The following MAP4K5 variants were observed in gnomAD, a reference collection of about 807,000 sequenced individuals.
MAP4K5 encodes the protein MAPK/ERK kinase kinase kinase 5.
Under a neutral mutation model 135.6 loss-of-function variants are expected in MAP4K5, and 82 were observed. That is an observed-to-expected ratio of 0.60 (90% CI 0.51 to 0.73). The LOEUF is 0.73. MAP4K5 is among the 30% of genes least tolerant of loss of function. The pLI is 0.00. For synonymous variants in MAP4K5, 347 were observed against 335.0 expected (o/e 1.04, Z -0.39); for missense variants, 907 against 1,010.9 (o/e 0.90, Z 1.39).
intron 15 of MAP4K5, among the ~76,000 whole-genome samples, chr14:50,448,016 A>G (rs1278035605): frequency 2.1e-5 from 2 of 95,892 alleles, no homozygotes; most frequent in Non-Finnish European, 4.1e-5. Flanking sequence ...TTATTTATTT[A>G]TTTATTTTTG....
At chr14:50,421,439 T>G (rs2035729895) in intron 32 of MAP4K5, among the ~76,000 whole-genome samples, 2 of 151,696 alleles carry the variant, frequency 1.3e-5, no homozygotes, top group Admixed American at 1.3e-4. Flanking sequence ...TTTTTGTATT[T>G]TTAGCAGGGA....
chr14:50,446,066 T>C lies in MAP4K5; in HGVS notation c.1185+13A>G. On this transcript the variant is annotated intron_variant, in intron 17 of 32. Coordinates refer to ENST00000682126, the MANE Select transcript of MAP4K5 (RefSeq NM_006575.6). ...AATAAGGATTTAGTGTTCAAAATCA[T>C]TAAGTAGCTCACCTTAGGAGGTAGG... is the stretch of plus-strand genomic sequence containing the variant. The C allele has an allele frequency of 2.0e-6, 3 of 1,521,956 alleles. No homozygotes were observed. Among genetic ancestry groups the C allele is most frequent in the Non-Finnish European group, 2.6e-6 (3 of 1,133,512 alleles). The allele number at this position is 1,521,956 out of a possible 1,614,324, so 94.3% of individuals were successfully genotyped here.
intron 3 of MAP4K5, among the ~76,000 whole-genome samples, chr14:50,490,088 TGA>T (rs915084225): frequency 6.8e-6 from 1 of 147,302 alleles, no homozygotes; most frequent in Non-Finnish European, 1.5e-5. Context: ...TGTGTGTGTG[TGA>T]GAGAGAGAGA....
intron 11 of MAP4K5, 111 bp from the exon 12 acceptor site, chr14:50,464,244 G>T: frequency 1.7e-6 from 1 of 602,400 alleles, no homozygotes; most frequent in Non-Finnish European, 2.9e-6. Context: ...TTTTTTATTG[G>T]GCCACTTAGT....
chr14:50,437,834 C>T (rs907420336), intron 25 of MAP4K5, 60 bp downstream of exon 25: 1 of 1,073,052 alleles, frequency 9.3e-7, no homozygotes, highest in Non-Finnish European at 1.4e-6. Context: ...GAAATACGGG[C>T]TATTTTTAAA....
intron 1 of MAP4K5, among the ~76,000 whole-genome samples, chr14:50,547,728 A>G (rs933776392): frequency 6.6e-6 from 1 of 152,210 alleles, no homozygotes; most frequent in Non-Finnish European, 1.5e-5. Flanking sequence ...GCCGTACCCA[A>G]TATTACTCAA....
Position 50,551,429 on chromosome 14 carries a change from C to T in MAP4K5, c.-179-8845G>A, listed in dbSNP as rs537929462. ...TTTCAGGATCAGATGGAGTCACAGC[C>T]GAATTGTATCAGACATTCAAAGAAG... On this transcript the variant is annotated intron_variant, in intron 1 of 8. Coordinates refer to the MAP4K5 transcript ENST00000555216. Among the ~76,000 whole-genome samples, 10 of 151,974 alleles carry T rather than the reference C, an allele frequency of 6.6e-5. No homozygotes were observed. In the East Asian group the frequency reaches 1.4e-3, roughly 21 times the overall value.
intron 2 of MAP4K5, among the ~76,000 whole-genome samples, chr14:50,539,222 G>T (rs765887474): frequency 6.6e-6 from 1 of 152,198 alleles, no homozygotes; most frequent in Non-Finnish European, 1.5e-5. Context: ...CAAACTATCA[G>T]CAGTGACATG....
intron 9 of MAP4K5, among the ~76,000 whole-genome samples, chr14:50,474,489 T>A (rs2037051692): frequency 6.6e-6 from 1 of 152,212 alleles, no homozygotes; most frequent in African/African-American, 2.4e-5. Context: ...TGAGGCTTTT[T>A]ATTTCTATCA....
chr14:50,480,727 G>T (rs1194738944), intron 6 of MAP4K5, among the ~76,000 whole-genome samples: 4 of 151,970 alleles, frequency 2.6e-5, no homozygotes, highest in Admixed American at 2.6e-4. Context: ...ATCACAGAGG[G>T]TACTTGCATA....
intron 4 of MAP4K5, 130 bp downstream of exon 4, chr14:50,485,974 C>T (rs555928003): frequency 1.7e-6 from 1 of 574,390 alleles, no homozygotes; most frequent in Non-Finnish European, 3.1e-6. Flanking sequence ...AATAGGAAAA[C>T]CTTAAAAAAT....
intron 3 of MAP4K5, among the ~76,000 whole-genome samples, chr14:50,501,073 A>G (rs1347465710): frequency 2.0e-5 from 3 of 152,164 alleles, no homozygotes; most frequent in Admixed American, 6.5e-5. Context: ...TGGTCATGGC[A>G]TTTATAAATT....
chr14:50,509,320 G>A (rs945143241), intron 2 of MAP4K5, among the ~76,000 whole-genome samples: 2 of 152,024 alleles, frequency 1.3e-5, no homozygotes, highest in Non-Finnish European at 2.9e-5. Flanking sequence ...TTCAGAATTC[G>A]AGAATTCTCT....
At chr14:50,486,012 A>G (rs1392958683) in intron 4 of MAP4K5, 92 bp downstream of exon 4, 2 of 634,242 alleles carry the variant, frequency 3.2e-6, no homozygotes, top group Non-Finnish European at 2.8e-6. Flanking sequence ...TTAAAAACAT[A>G]CAAATATAGT....
intron 1 of MAP4K5, among the ~76,000 whole-genome samples, chr14:50,544,531 G>A (rs546831468): frequency 4.6e-5 from 7 of 152,280 alleles, no homozygotes; most frequent in African/African-American, 1.7e-4. Flanking sequence ...TATTAACAGG[G>A]TACACAAGAC....
chr14:50,532,185 T>C (rs1210556467), intron 1 of MAP4K5, 27 bp from the exon 2 acceptor site: 5 of 619,720 alleles, frequency 8.1e-6, no homozygotes, highest in Middle Eastern at 4.4e-4. Flanking sequence ...CAAAGGCTGG[T>C]TGGCGTCGCA....
intron 1 of MAP4K5, among the ~76,000 whole-genome samples, chr14:50,543,540 G>A (rs1002492753): frequency 6.6e-6 from 1 of 152,166 alleles, no homozygotes; most frequent in Non-Finnish European, 1.5e-5. Flanking sequence ...GAGAAGTGTG[G>A]CAGCAGAGTC....
intron 28 of MAP4K5, among the ~76,000 whole-genome samples, chr14:50,430,133 C>T (rs1334024271): frequency 2.0e-5 from 3 of 151,542 alleles, no homozygotes; most frequent in Non-Finnish European, 2.9e-5. Flanking sequence ...CACACACACA[C>T]ATATATATAT....
At chr14:50,473,785 G>A (rs376782263) in intron 9 of MAP4K5, among the ~76,000 whole-genome samples, 1 of 138,502 alleles carries the variant, frequency 7.2e-6, no homozygotes, top group Non-Finnish European at 1.5e-5. Flanking sequence ...GTGCAGTGGT[G>A]CGCACTCAGC....
Sources: gnomAD v4.1 joint callset for allele counts (sites outside exome capture counted in the v4.1 genomes callset) on GRCh38, gnomAD v4.1.1 for gene constraint, MANE v1.5 for transcripts, NCBI Gene and HGNC (gene_info 2026-07-23, HGNC 2026-07-21) for gene names.